Variants in RIMS2 observed in about 807,000 individuals in gnomAD.
RIMS2 encodes regulating synaptic membrane exocytosis 2.
In RIMS2, 59 loss-of-function variants were observed where a neutral mutation model predicts 174.4. The ratio of observed to expected loss-of-function variants is 0.34; its 90% CI spans 0.27 to 0.42. RIMS2 has a LOEUF of 0.42. Among genes scored for constraint, RIMS2 ranks in the 10% least tolerant of loss-of-function variants. RIMS2 has a pLI of 1.00. For synonymous variants in RIMS2, 606 were observed against 572.5 expected, an observed-to-expected ratio of 1.06 and a Z score of -0.84; for missense variants, 1,620 against 1,666.3, an observed-to-expected ratio of 0.97 and a Z score of 0.48.
chr8:104,249,365 A>G (rs1404224340), intron 21 of RIMS2, 122 bp from the exon 28 acceptor site: 3 of 562,124 alleles, frequency 5.3e-6, no homozygotes, highest in East Asian at 6.0e-5. Flanking sequence ...AATTTTAAGT[A>G]TATTTGAATT....
chr8:104,211,106 A>G (rs1249834039), intron 19 of RIMS2, among the ~76,000 whole-genome samples: 1 of 152,204 alleles, frequency 6.6e-6, no homozygotes, highest in Non-Finnish European at 1.5e-5. Context: ...ACAAGATAAC[A>G]TGTTCTATAT....
At chr8:104,069,986 G>A (rs896836063) in intron 19 of RIMS2, among the ~76,000 whole-genome samples, 8 of 152,126 alleles carry the variant, frequency 5.3e-5, no homozygotes, top group African/African-American at 1.9e-4. Context: ...TGTGGTCTCC[G>A]TGTAATAGAG....
rs1338303803 is a variant in RIMS2 at position 103,798,088 on chromosome 8, A to G, written c.698+31551A>G. Reference sequence around the variant, plus strand: ...TATTACTTCAGGTACATAGTCTACAATATTGATTAAGTATATACTTTATAT... The same window carrying G: ...TATTACTTCAGGTACATAGTCTACAGTATTGATTAAGTATATACTTTATAT... On this transcript the variant is annotated intron_variant, in intron 3 of 23. Transcript: ENST00000504942. Among the ~76,000 whole-genome samples the G allele has an allele frequency of 6.6e-5, 10 of 152,172 alleles. No homozygotes were observed. In the East Asian group the frequency reaches 1.7e-3, roughly 26 times the overall value.
At chr8:104,234,620 G>A (rs2099249360) in intron 19 of RIMS2, among the ~76,000 whole-genome samples, 1 of 152,104 alleles carries the variant, frequency 6.6e-6, no homozygotes, top group Admixed American at 6.6e-5. Flanking sequence ...ATAATTTCTT[G>A]TATTTAAATG....
chr8:104,170,460 G>T (rs993906823), intron 19 of RIMS2, among the ~76,000 whole-genome samples: 1 of 151,936 alleles, frequency 6.6e-6, no homozygotes, highest in South Asian at 2.1e-4. Flanking sequence ...TGATTTGTCT[G>T]ATGTAAGAAT....
chr8:103,538,270 C>T (rs1563690839), intron 1 of RIMS2, among the ~76,000 whole-genome samples: 2 of 152,050 alleles, frequency 1.3e-5, no homozygotes, highest in Non-Finnish European at 2.9e-5. Flanking sequence ...ACAATCTTAT[C>T]TTATTCTGGA....
chr8:103,981,754 G>A (rs187704155), intron 16 of RIMS2, among the ~76,000 whole-genome samples: 2 of 151,832 alleles, frequency 1.3e-5, no homozygotes, highest in Admixed American at 6.6e-5. Flanking sequence ...ACTAAAGAAC[G>A]CATCAATGTC....
At chr8:104,192,550 A>G (rs1040203771) in intron 19 of RIMS2, among the ~76,000 whole-genome samples, 3 of 152,198 alleles carry the variant, frequency 2.0e-5, no homozygotes, top group Non-Finnish European at 4.4e-5. Flanking sequence ...ATTAGCTAAT[A>G]TAGAAGTGGT....
chr8:103,518,464 G>A (rs77174348), intron 1 of RIMS2, among the ~76,000 whole-genome samples: 3 of 152,156 alleles, frequency 2.0e-5, no homozygotes, highest in African/African-American at 4.8e-5. Context: ...TGCGGTCTGC[G>A]GGTTGGACAA....
At chr8:103,866,549 A>G (rs186798569) in intron 3 of RIMS2, among the ~76,000 whole-genome samples, 1 of 152,204 alleles carries the variant, frequency 6.6e-6, no homozygotes, top group Admixed American at 6.5e-5. Flanking sequence ...ACGATATTTG[A>G]ACAGTCATTT....
At chr8:103,527,252 A>G (rs749265154) in intron 1 of RIMS2, among the ~76,000 whole-genome samples, 2 of 152,212 alleles carry the variant, frequency 1.3e-5, no homozygotes, top group Non-Finnish European at 2.9e-5. Context: ...TAATACAGTT[A>G]TCCCTCAGTA....
chr8:103,959,549 G>A (rs2089082273), intron 14 of RIMS2, among the ~76,000 whole-genome samples: 1 of 151,754 alleles, frequency 6.6e-6, no homozygotes, highest in Non-Finnish European at 1.5e-5. Flanking sequence ...GACTACAGGT[G>A]CATGCCGCCA....
At chr8:104,057,156 T>A (rs1432434089) in intron 19 of RIMS2, among the ~76,000 whole-genome samples, 1 of 150,672 alleles carries the variant, frequency 6.6e-6, no homozygotes, top group Non-Finnish European at 1.5e-5. Flanking sequence ...AGCTTCAACC[T>A]CTTGAGCTCA....
intron 19 of RIMS2, among the ~76,000 whole-genome samples, chr8:104,193,491 A>G (rs529836506): frequency 1.4e-4 from 21 of 152,186 alleles, no homozygotes; most frequent in African/African-American, 5.1e-4. Flanking sequence ...CGACCCTTCA[A>G]TGTGTGTTTA....
intron 14 of RIMS2, among the ~76,000 whole-genome samples, chr8:103,952,566 A>G (rs1418045228): frequency 6.6e-6 from 1 of 152,186 alleles, no homozygotes; most frequent in African/African-American, 2.4e-5. Flanking sequence ...TAGTATTAAC[A>G]TCAACAAAAA....
At chr8:103,584,078 T>C (rs1467305385) in intron 1 of RIMS2, among the ~76,000 whole-genome samples, 5 of 152,000 alleles carry the variant, frequency 3.3e-5, no homozygotes, top group African/African-American at 9.7e-5. Flanking sequence ...AAAGAAAGGA[T>C]CCGAAAAGCA....
intron 1 of RIMS2, among the ~76,000 whole-genome samples, chr8:103,502,777 T>A (rs1482270745): frequency 6.6e-6 from 1 of 152,098 alleles, no homozygotes; most frequent in East Asian, 1.9e-4. Flanking sequence ...TAGTTTTATT[T>A]TTTTGACTTA....
intron 2 of RIMS2, among the ~76,000 whole-genome samples, chr8:103,747,084 TTAA>T (rs1471085791): frequency 1.3e-5 from 2 of 151,806 alleles, no homozygotes; most frequent in African/African-American, 2.4e-5. Context: ...TCTTTTTTTT[TTAA>T]TTAATTACTT....
chr8:103,874,681 A>G (rs1024942230), intron 3 of RIMS2, among the ~76,000 whole-genome samples: 1 of 152,094 alleles, frequency 6.6e-6, no homozygotes, highest in Non-Finnish European at 1.5e-5. Context: ...GGAGGAATTT[A>G]TGTTAAAAAC....
Sources: gnomAD v4.1 joint callset for allele counts (sites outside exome capture counted in the v4.1 genomes callset) on GRCh38, gnomAD v4.1.1 for gene constraint, MANE v1.5 for transcripts, NCBI Gene and HGNC (gene_info 2026-07-23, HGNC 2026-07-21) for gene names.